The following FBXL20 variants were observed in gnomAD, a reference collection of about 807,000 sequenced individuals.
FBXL20 encodes F-box and leucine rich repeat protein 20, also known as F-box/LRR-repeat protein 20.
Under a neutral mutation model 64.0 loss-of-function variants are expected in FBXL20, and 11 were observed. The observed-to-expected ratio is 0.17, with a 90% CI of 0.11 to 0.28. The LOEUF is 0.28. FBXL20 is among the 10% of genes least tolerant of loss of function. The pLI is 1.00. For synonymous variants in FBXL20, 184 were observed against 189.0 expected (o/e 0.97, Z 0.22); for missense variants, 303 against 526.2 (o/e 0.58, Z 4.15).
At chr17:39,268,799 A>T (rs368550350) in intron 12 of FBXL20, 28 bp downstream of exon 12, 18 of 1,595,272 alleles carry the variant, frequency 1.1e-5, no homozygotes, top group Non-Finnish European at 1.5e-5. Context: ...ACTATACTGT[A>T]TTTCTGAATT....
In FBXL20 at chr17:39,261,403, G is replaced by A. The variant is rs1028191002; in HGVS notation, c.*57C>T. On this transcript the variant is annotated 3_prime_UTR_variant, in exon 15 of 15. Transcript: ENST00000264658. ...GTTGCTTCCACTGGAGAGACTCCAC[G>A]GTAGCTCTAGAAGTGTCATTAAATA... 30 of 1,390,706 alleles carry A rather than the reference G, an allele frequency of 2.2e-5. No individual in the cohort carries two copies. The highest frequency in any genetic ancestry group is 5.7e-5 in the African/African-American group (4 of 70,294). The allele number at this position is 1,390,706 out of a possible 1,614,324, so 86.1% of individuals were successfully genotyped here.
intron 2 of FBXL20, among the ~76,000 whole-genome samples, chr17:39,332,536 C>CTTTTTTT (rs58827473): frequency 1.0e-5 from 1 of 96,964 alleles, no homozygotes; most frequent in African/African-American, 4.1e-5. Flanking sequence ...TTCTTTGTAT[C>CTTTTTTT]TTTTTTTTTT....
chr17:39,401,159 G>A (rs899265960), intron 1 of FBXL20, among the ~76,000 whole-genome samples: 2 of 152,182 alleles, frequency 1.3e-5, no homozygotes, highest in African/African-American at 2.4e-5. Flanking sequence ...GGAAGAGACG[G>A]GGGGCGAACC....
intron 6 of FBXL20, among the ~76,000 whole-genome samples, chr17:39,294,721 T>C (rs779427905): frequency 3.9e-5 from 6 of 152,152 alleles, no homozygotes; most frequent in Non-Finnish European, 8.8e-5. Flanking sequence ...TAAAAGTTAA[T>C]GCACTTATGG....
intron 6 of FBXL20, among the ~76,000 whole-genome samples, chr17:39,286,879 T>C (rs1322863599): frequency 6.6e-6 from 1 of 151,970 alleles, no homozygotes; most frequent in Admixed American, 6.6e-5. Flanking sequence ...ACACATATCA[T>C]TTTACCTGTA....
Position 39,270,871 on chromosome 17 carries a change from A to T in FBXL20, c.828-15T>A. 1 of 1,585,266 alleles carries T rather than the reference A, an allele frequency of 6.3e-7. No individual in the cohort carries two copies. Among genetic ancestry groups the T allele is most frequent in the Non-Finnish European group, 8.6e-7 (1 of 1,167,314 alleles). On this transcript the variant is annotated splice_polypyrimidine_tract_variant and intron_variant, in intron 10 of 14. Coordinates refer to ENST00000264658, the MANE Select transcript of FBXL20 (RefSeq NM_032875.3). ...CTTCCAATATTCTGTTAAAAAAAAAAAAAAAACAGTGAAAGTCAAGCTCTT... is the reference window on the plus strand; with the variant it reads ...CTTCCAATATTCTGTTAAAAAAAAATAAAAAACAGTGAAAGTCAAGCTCTT...
At chr17:39,324,585 AG>A (rs1479140563) in intron 2 of FBXL20, among the ~76,000 whole-genome samples, 2 of 152,212 alleles carry the variant, frequency 1.3e-5, no homozygotes, top group African/African-American at 2.4e-5. Context: ...CGCCTGGCCC[AG>A]GTGTTTCTTA....
chr17:39,300,659 CTATT>C (rs1420010762), intron 4 of FBXL20, among the ~76,000 whole-genome samples: 1 of 152,142 alleles, frequency 6.6e-6, no homozygotes, highest in Non-Finnish European at 1.5e-5. Context: ...AGTTATAACT[CTATT>C]TATTCCTCAG....
chr17:39,344,262 G>A (rs2047610761), intron 1 of FBXL20, among the ~76,000 whole-genome samples: 1 of 151,396 alleles, frequency 6.6e-6, no homozygotes, highest in Admixed American at 6.6e-5. Flanking sequence ...GAGGTGGGAG[G>A]ACTGCCTCAG....
At chr17:39,333,160 C>T (rs1015004516) in intron 2 of FBXL20, among the ~76,000 whole-genome samples, 1 of 152,090 alleles carries the variant, frequency 6.6e-6, no homozygotes, top group African/African-American at 2.4e-5. Context: ...CCTCCCTCTC[C>T]GTCTCCCTCT....
intron 2 of FBXL20, among the ~76,000 whole-genome samples, chr17:39,328,114 G>A (rs2047425426): frequency 6.6e-6 from 1 of 151,710 alleles, no homozygotes; most frequent in South Asian, 2.1e-4. Flanking sequence ...CGGGCGTGGT[G>A]GCGGGTGCCT....
chr17:39,283,848 T>G (rs1214419984), intron 7 of FBXL20, among the ~76,000 whole-genome samples: 1 of 152,154 alleles, frequency 6.6e-6, no homozygotes, highest in Non-Finnish European at 1.5e-5. Flanking sequence ...ATAATATTCT[T>G]CAGAAAAACA....
chr17:39,344,485 A>C (rs1055615203), intron 1 of FBXL20, among the ~76,000 whole-genome samples: 7 of 152,132 alleles, frequency 4.6e-5, no homozygotes, highest in African/African-American at 1.2e-4. Context: ...GAAATCTGGA[A>C]TAGAAAATAT....
intron 2 of FBXL20, among the ~76,000 whole-genome samples, chr17:39,333,190 T>A (rs1370961021): frequency 6.6e-6 from 1 of 152,194 alleles, no homozygotes; most frequent in Non-Finnish European, 1.5e-5. Context: ...CTCCCTCTGA[T>A]GCCCAGCCGA....
intron 2 of FBXL20, among the ~76,000 whole-genome samples, chr17:39,340,869 A>T (rs1197582800): frequency 1.3e-5 from 2 of 151,780 alleles, no homozygotes; most frequent in Non-Finnish European, 2.9e-5. Context: ...AACTCAATGA[A>T]TTTTTTAAAA....
chr17:39,300,007 G>A (rs1311300454), intron 4 of FBXL20, among the ~76,000 whole-genome samples: 1 of 151,596 alleles, frequency 6.6e-6, no homozygotes, highest in Non-Finnish European at 1.5e-5. Flanking sequence ...TGAGGCACAA[G>A]AATTGCTTGA....
chr17:39,315,804 TTTGAGAGAGA>T (rs1258893740), intron 2 of FBXL20, among the ~76,000 whole-genome samples: 6 of 126,012 alleles, frequency 4.8e-5, no homozygotes, highest in African/African-American at 1.6e-4. Flanking sequence ...AGAGGGGATC[TTTGAGAGAGA>T]GTGAGAGAGA....
intron 1 of FBXL20, among the ~76,000 whole-genome samples, chr17:39,378,430 C>A (rs182694180): frequency 6.6e-6 from 1 of 152,094 alleles, no homozygotes. Flanking sequence ...CAGAGCAAAA[C>A]CCCATCTCTT....
intron 7 of FBXL20, among the ~76,000 whole-genome samples, chr17:39,285,115 AG>A (rs1015011744): frequency 5.3e-5 from 8 of 152,162 alleles, no homozygotes; most frequent in Non-Finnish European, 1.0e-4. Context: ...CATGTTGGCC[AG>A]GATGGTCTTA....
Sources: gnomAD v4.1 joint callset for allele counts (sites outside exome capture counted in the v4.1 genomes callset) on GRCh38, gnomAD v4.1.1 for gene constraint, MANE v1.5 for transcripts, NCBI Gene and HGNC (gene_info 2026-07-23, HGNC 2026-07-21) for gene names.